The following PRRT4 variants were observed in gnomAD, a reference collection of about 807,000 sequenced individuals.
PRRT4 encodes the protein proline-rich transmembrane protein 4.
In PRRT4, 59 loss-of-function variants were observed where a neutral mutation model predicts 55.6. The observed-to-expected ratio is 1.06, with a 90% CI of 0.86 to 1.32. PRRT4 has a LOEUF of 1.32. Among genes scored for constraint, PRRT4 ranks in the 40% most tolerant of loss-of-function variants. The probability of loss-of-function intolerance (pLI) is 0.00; values close to 1 mark genes in which losing one functional copy is unlikely to be tolerated. For missense variants in PRRT4, 1,217 were observed against 1,222.0 expected (o/e 1.00, Z 0.06); for synonymous variants, 606 against 601.8 (o/e 1.01, Z -0.10).
At chr7:128,352,639 G>A in exon 5 of PRRT4, 1 of 1,538,958 alleles carries the variant, frequency 6.5e-7, no homozygotes. Context: ...GCTGGCGGGA[G>A]GAGAGAGGTC....
chr7:128,355,815 C>A (rs1296341656), intron 4 of PRRT4, among the ~76,000 whole-genome samples: 1 of 152,222 alleles, frequency 6.6e-6, no homozygotes, highest in Non-Finnish European at 1.5e-5. Flanking sequence ...CCTTACCACA[C>A]CCTCTTTATT....
Position 128,358,678 on chromosome 7 carries a change from T to C in PRRT4, c.877+3A>G. ...GTCAAGTTCAAATGAATTGGATACTTACCTAATGATGTTGTTGCAATCGAG... is the reference window on the plus strand; with the variant it reads ...GTCAAGTTCAAATGAATTGGATACTCACCTAATGATGTTGTTGCAATCGAG... On this transcript the variant is annotated splice_donor_region_variant and intron_variant, in intron 4 of 4. Transcript: ENST00000535159. This position sits in a 1 kb window ranked among gnomAD's most constrained non-coding sequence, Gnocchi z 4.4. The C allele has an allele frequency of 6.4e-7, 1 of 1,551,584 alleles. No homozygotes were observed. The highest frequency in any genetic ancestry group is 1.2e-5 in the South Asian group (1 of 84,060).
exon 5 of PRRT4, chr7:128,352,392 C>G: frequency 1.5e-5 from 23 of 1,524,498 alleles, no homozygotes; most frequent in Non-Finnish European, 2.0e-5. Flanking sequence ...ACCGCCAGGG[C>G]AAGAGGGCCA....
chr7:128,352,648 T>C (rs1012230625), exon 5 of PRRT4: 4 of 1,536,896 alleles, frequency 2.6e-6, no homozygotes, highest in Non-Finnish European at 2.6e-6. Context: ...AGGAGAGAGG[T>C]CATCTGGGCC....
exon 5 of PRRT4, chr7:128,351,414 G>A (rs1489722000): frequency 6.5e-7 from 1 of 1,531,730 alleles, no homozygotes; most frequent in Non-Finnish European, 8.8e-7. Context: ...CGGTGTAATC[G>A]CTGCAGGGAG....
rs1363215468 is a variant in PRRT4, at chr7:128,358,791, C to A, written c.767G>T (p.Gly256Val). 2 of 1,542,034 alleles carry A rather than the reference C, an allele frequency of 1.3e-6. No individual in the cohort carries two copies. Among genetic ancestry groups the A allele is most frequent in the South Asian group, 2.4e-5 (2 of 82,188 alleles). Residue 256 changes from glycine (G) to valine (V), a missense_variant, in exon 4 of 5, where the codon GGT becomes GTT. Gly to Val is a moderately radical substitution (Grantham distance 109, BLOSUM62 -3). Transcript: ENST00000535159. The surrounding 1 kb of genome is among the most constrained non-coding windows in gnomAD (Gnocchi z 4.4). ...GTATGGGGGCAGGGACAGAGTGGTA[C>A]CAAGGAACCCTGCAAAGGGAGCACA...
chr7:128,350,874 G>A (rs779567260), exon 5 of PRRT4: 3 of 1,551,120 alleles, frequency 1.9e-6, no homozygotes, highest in Non-Finnish European at 2.6e-6. Flanking sequence ...CTATGGTGTC[G>A]CTGCCCACGC....
chr7:128,356,684 C>T lies in PRRT4; in HGVS notation c.877+1997G>A, dbSNP rs1422829148. Among the ~76,000 whole-genome samples, 4 of 152,198 alleles carry T rather than the reference C, an allele frequency of 2.6e-5. No individual in the cohort carries two copies. The East Asian group carries it at 5.8e-4, about 22-fold the overall frequency. ...CAATGTGAATAACTGGTGAGGCAGG[C>T]GCTGGCTGGGGAGGGGTTGTGGGAG... On this transcript the variant is annotated intron_variant, in intron 4 of 4. Transcript: ENST00000535159.
At chr7:128,351,720 C>G (rs755381320) in exon 5 of PRRT4, 2 of 1,478,168 alleles carry the variant, frequency 1.4e-6, no homozygotes, top group African/African-American at 1.5e-5. Flanking sequence ...CCAACGGGAG[C>G]GCGACGCCCA....
chr7:128,351,996 G>T, exon 5 of PRRT4: 2 of 1,309,030 alleles, frequency 1.5e-6, no homozygotes, highest in Non-Finnish European at 1.9e-6. Context: ...GCCGCCGCCC[G>T]CCCCAGCAGG....
rs559537456 is a variant in PRRT4 at position 128,351,286 on chromosome 7, G to A, written c.2270C>T (p.Pro757Leu). The A allele has an allele frequency of 4.7e-5, 73 of 1,541,806 alleles. No homozygotes were observed. In the South Asian group the frequency reaches 8.4e-4, roughly 18 times the overall value. Reference sequence around the variant, plus strand: ...GGCGGTGCGGTAGAGTCCGAGCCCAGGCAGAGCGTCCTCGAAGGCAGGGCC... The same window carrying A: ...GGCGGTGCGGTAGAGTCCGAGCCCAAGCAGAGCGTCCTCGAAGGCAGGGCC... Residue 757 changes from proline to leucine, a missense_variant, in exon 5 of 5, where the codon CCT (proline) becomes CTT (leucine). Transcript: ENST00000535159.
At chr7:128,361,051 G>A (rs1020443338) in intron 1 of PRRT4, among the ~76,000 whole-genome samples, 1 of 141,512 alleles carries the variant, frequency 7.1e-6, no homozygotes, top group South Asian at 2.3e-4. Flanking sequence ...TCAAACCCAA[G>A]CTCTGTGAGC....
intron 4 of PRRT4, among the ~76,000 whole-genome samples, chr7:128,357,228 ACACACACACTCTCTCTCT>A (rs2116480410): frequency 8.2e-6 from 1 of 121,944 alleles, no homozygotes; most frequent in South Asian, 2.9e-4. Context: ...ACACACACAC[ACACACACACTCTCTCTCT>A]CTCTCTCTCT....
chr7:128,352,740 A>C, intron 4 of PRRT4, 62 bp from the exon 6 acceptor site: 1 of 1,415,130 alleles, frequency 7.1e-7, no homozygotes, highest in Non-Finnish European at 9.3e-7. Flanking sequence ...CCACCCCACA[A>C]GCAGTAGCCT....
rs1797196951 is a variant in PRRT4 at position 128,359,616 on chromosome 7, AG to A, written c.375del (p.Ser126ProfsTer28). On this transcript the variant is annotated frameshift_variant, in exon 2 of 5. Coordinates refer to ENST00000535159, the Ensembl canonical transcript of PRRT4. LOFTEE classifies it high-confidence loss of function. Reference sequence around the variant, plus strand: ...CGGGATGTGGACTCCGGAAGCAGGGAGGAGGCCCGGGGCTTTGAGCCACCTT... The same window carrying A: ...CGGGATGTGGACTCCGGAAGCAGGGAGAGGCCCGGGGCTTTGAGCCACCTT... The A allele has an allele frequency of 6.5e-7, 1 of 1,528,622 alleles. No individual in the cohort carries two copies. The highest frequency in any genetic ancestry group is 8.8e-7 in the Non-Finnish European group (1 of 1,135,320). The allele number at this position is 1,528,622 out of a possible 1,614,324, so 94.7% of individuals were successfully genotyped here.
chr7:128,350,671 T>TCCAGAG (rs1381321999), downstream of PRRT4: 14 of 885,590 alleles, frequency 1.6e-5, no homozygotes, highest in African/African-American at 2.4e-4. Context: ...CCAGAGAAGG[T>TCCAGAG]GGCACTGATT....
downstream of PRRT4, chr7:128,350,836 G>A (rs766973413): frequency 2.6e-6 from 4 of 1,549,164 alleles, no homozygotes; most frequent in South Asian, 4.8e-5. Flanking sequence ...ATATCGCAGG[G>A]TAGCAAGGTG....
chr7:128,352,212 C>A (rs1347288837), exon 5 of PRRT4: 1 of 1,528,036 alleles, frequency 6.5e-7, no homozygotes, highest in Admixed American at 2.0e-5. Context: ...AGGCCAGCCC[C>A]AGGCCGGCAG....
In PRRT4 at chr7:128,350,941, TC is replaced by T; in HGVS notation, c.2614del (p.Glu872ArgfsTer19). 1.9e-6 allele frequency: 3 copies of T among 1,550,874 alleles called. No homozygotes were observed. Among genetic ancestry groups the T allele is most frequent in the Non-Finnish European group, 1.7e-6 (2 of 1,146,970 alleles). ...GAACTGCTCCTGCAGCAAGGCCTCC[TC>T]GGCCTGCAGCTCAGAAGCAGGCTCT... On this transcript the variant is annotated frameshift_variant, in exon 5 of 5. Transcript: ENST00000535159. LOFTEE classifies it high-confidence loss of function.
Sources: gnomAD v4.1 joint callset for allele counts (sites outside exome capture counted in the v4.1 genomes callset) on GRCh38, gnomAD v4.1.1 for gene constraint, Gnocchi (gnomAD v3.1) non-coding constraint, MANE v1.5 for transcripts, NCBI Gene and HGNC (gene_info 2026-07-23, HGNC 2026-07-21) for gene names.